The following FANCC variants were observed in gnomAD, a reference collection of about 807,000 sequenced individuals.
FANCC encodes the protein FA complementation group C, also known as Fanconi anemia group C protein.
A neutral mutation model predicts 71.3 loss-of-function variants in FANCC; 55 were observed. The ratio of observed to expected loss-of-function variants is 0.77; its 90% CI spans 0.62 to 0.97. The LOEUF (loss-of-function observed/expected upper bound fraction) is 0.97, where lower values mean the gene tolerates loss of function less well. Among genes scored for constraint, FANCC ranks in the 50% least tolerant of loss-of-function variants. The pLI is 0.00. For synonymous variants in FANCC, 275 were observed against 244.9 expected (o/e 1.12, Z -1.15); for missense variants, 678 against 670.9 (o/e 1.01, Z -0.12).
intron 1 of FANCC, among the ~76,000 whole-genome samples, chr9:95,279,761 A>G (rs1481327564): frequency 6.6e-6 from 1 of 152,080 alleles, no homozygotes; most frequent in Admixed American, 6.5e-5. Flanking sequence ...CAGCCTGGCT[A>G]ACATAATGAA....
chr9:95,270,653 T>G (rs1832665777), intron 1 of FANCC, among the ~76,000 whole-genome samples: 1 of 152,204 alleles, frequency 6.6e-6, no homozygotes, highest in Non-Finnish European at 1.5e-5. Flanking sequence ...GAAAGGGACC[T>G]GCTGAAAAAG....
At chr9:95,246,323 A>G (rs546740408) in intron 3 of FANCC, among the ~76,000 whole-genome samples, 7 of 152,354 alleles carry the variant, frequency 4.6e-5, no homozygotes, top group Admixed American at 4.6e-4. Context: ...GCCTGCTCAC[A>G]GGGCTAAACA....
intron 4 of FANCC, among the ~76,000 whole-genome samples, chr9:95,184,334 T>G (rs1030404858): frequency 6.6e-6 from 1 of 152,110 alleles, no homozygotes; most frequent in African/African-American, 2.4e-5. Context: ...TGGCCAATTT[T>G]CTTACAACAC....
intron 7 of FANCC, among the ~76,000 whole-genome samples, chr9:95,146,589 T>C (rs1829589868): frequency 6.7e-6 from 1 of 150,060 alleles, no homozygotes. Flanking sequence ...TTATAAGCAG[T>C]AAGTATCATT....
intron 1 of FANCC, chr9:95,294,361 G>A: frequency 1.3e-6 from 2 of 1,590,376 alleles, no homozygotes; most frequent in Non-Finnish European, 1.7e-6. Context: ...GACTCAAACG[G>A]ACTTCTTACT....
rs1825743725 is a variant in FANCC at position 95,124,943 on chromosome 9, T to A, written c.996+143A>T. 3 of 738,158 alleles carry A rather than the reference T, an allele frequency of 4.1e-6. No homozygotes were observed. In the African/African-American group the frequency reaches 5.2e-5, roughly 13 times the overall value. The allele number at this position is 738,158 out of a possible 1,614,324, so 45.7% of individuals were successfully genotyped here. On this transcript the variant is annotated intron_variant, in intron 10 of 14. Coordinates refer to ENST00000289081, the MANE Select transcript of FANCC (RefSeq NM_000136.3). ...ATGTTAAGTTAAAATGGCTTAACCT[T>A]TGTTGGGGCACTCATTAGGAACCTT...
At chr9:95,219,467 G>GT (rs958295849) in intron 4 of FANCC, among the ~76,000 whole-genome samples, 14 of 151,786 alleles carry the variant, frequency 9.2e-5, no homozygotes, top group Non-Finnish European at 1.5e-4. Flanking sequence ...AGAATTGGCT[G>GT]TTTTTTTTCA....
intron 6 of FANCC, among the ~76,000 whole-genome samples, chr9:95,151,226 C>G (rs12380569): frequency 2.2e-4 from 33 of 152,146 alleles, no homozygotes; most frequent in Admixed American, 3.9e-4. Context: ...GGCAGAAGCT[C>G]TACAATGGCA....
chr9:95,252,686 A>C (rs1831422516), intron 1 of FANCC, among the ~76,000 whole-genome samples: 1 of 149,340 alleles, frequency 6.7e-6, no homozygotes, highest in Admixed American at 6.7e-5. Context: ...ACAGCTTGTA[A>C]GTGAGCCGAG....
chr9:95,280,235 A>C (rs1055800718), intron 1 of FANCC, among the ~76,000 whole-genome samples: 4 of 152,244 alleles, frequency 2.6e-5, no homozygotes, highest in African/African-American at 9.6e-5. Flanking sequence ...CATCAGGAAG[A>C]TATAACCATT....
chr9:95,157,553 G>A (rs979858305), intron 6 of FANCC, among the ~76,000 whole-genome samples: 2 of 152,228 alleles, frequency 1.3e-5, no homozygotes, highest in East Asian at 3.8e-4. Context: ...GTTCCCAGCA[G>A]TACATGGTTA....
chr9:95,161,842 CT>C (rs71366277), intron 6 of FANCC, among the ~76,000 whole-genome samples: 67,402 of 110,000 alleles, frequency 0.61, 16,925 homozygotes, highest in East Asian at 0.84. Context: ...CTTTTCTTTT[CT>C]TTTTTTTTTT....
intron 1 of FANCC, among the ~76,000 whole-genome samples, chr9:95,302,637 G>A (rs1834818230): frequency 1.3e-5 from 2 of 152,222 alleles, no homozygotes; most frequent in South Asian, 4.1e-4. Context: ...GCTCAGTAGA[G>A]CAGTGGGGTT....
At chr9:95,286,956 G>A (rs1219924029) in intron 1 of FANCC, among the ~76,000 whole-genome samples, 2 of 152,054 alleles carry the variant, frequency 1.3e-5, no homozygotes, top group Admixed American at 1.3e-4. Context: ...AAGGTTATTA[G>A]AGGAAGCAAA....
rs139995373 is a variant in FANCC at position 95,292,977 on chromosome 9, G to A, written c.-79+24549C>T. 31 of 1,578,388 alleles carry A rather than the reference G, an allele frequency of 2.0e-5. No individual in the cohort carries two copies. In the African/African-American group the frequency reaches 2.7e-4, roughly 14 times the overall value. On this transcript the variant is annotated intron_variant, in intron 1 of 14. Coordinates refer to ENST00000289081, the MANE Select transcript of FANCC (RefSeq NM_000136.3). ...GTCTCACATCTACCGAACTGGCCAC[G>A]AGATCCCTGCAGAACACAGGGACCC...
intron 4 of FANCC, among the ~76,000 whole-genome samples, chr9:95,191,323 C>CTTCCTTTT (rs1400381051): frequency 7.6e-6 from 1 of 132,222 alleles, no homozygotes; most frequent in Non-Finnish European, 1.6e-5. Context: ...CACCATCCTA[C>CTTCCTTTT]TTCCTTTTTT....
At chr9:95,144,815 T>C (rs1291135950) in intron 7 of FANCC, among the ~76,000 whole-genome samples, 5 of 152,298 alleles carry the variant, frequency 3.3e-5, no homozygotes, top group African/African-American at 1.2e-4. Flanking sequence ...TGTGCTCCAT[T>C]GCGGGTGTTG....
At chr9:95,292,843 G>A in intron 1 of FANCC, 2 of 1,585,478 alleles carry the variant, frequency 1.3e-6, no homozygotes, top group Non-Finnish European at 1.7e-6. Context: ...TGTAGCAAGT[G>A]CAGCAATTCG....
At chr9:95,133,580 C>A (rs1827223621) in intron 8 of FANCC, among the ~76,000 whole-genome samples, 1 of 152,118 alleles carries the variant, frequency 6.6e-6, no homozygotes, top group African/African-American at 2.4e-5. Flanking sequence ...GCTGCTCAGG[C>A]ATGAGGGCCA....
Sources: allele counts gnomAD v4.1 joint callset (sites outside exome capture counted in the v4.1 genomes callset), GRCh38; gene constraint gnomAD v4.1.1; transcripts MANE v1.5; gene names NCBI Gene and HGNC (gene_info 2026-07-23, HGNC 2026-07-21).